Variants in STXBP5L observed in about 807,000 individuals in gnomAD.
STXBP5L encodes the protein syntaxin binding protein 5L, also known as syntaxin-binding protein 5-like.
In STXBP5L, 65 loss-of-function variants were observed where a neutral mutation model predicts 144.5. The observed-to-expected ratio is 0.45, with a 90% CI of 0.37 to 0.55. The LOEUF (loss-of-function observed/expected upper bound fraction) is 0.55, where lower values mean the gene tolerates loss of function less well. STXBP5L is among the 20% of genes least tolerant of loss of function. The probability of loss-of-function intolerance (pLI) is 0.00; values close to 1 mark genes in which losing one functional copy is unlikely to be tolerated. For synonymous variants in STXBP5L, 505 were observed against 469.6 expected (o/e 1.08, Z -0.97); for missense variants, 1,298 against 1,405.5 (o/e 0.92, Z 1.22).
At chr3:121,382,141 G>A (rs1560041470) in intron 22 of STXBP5L, among the ~76,000 whole-genome samples, 2 of 151,576 alleles carry the variant, frequency 1.3e-5, no homozygotes, top group Non-Finnish European at 2.9e-5. Flanking sequence ...GATTCCTCCT[G>A]TTATTCCTAA....
At chr3:121,358,168 T>C (rs1372456700) in intron 20 of STXBP5L, among the ~76,000 whole-genome samples, 2 of 152,150 alleles carry the variant, frequency 1.3e-5, no homozygotes, top group Non-Finnish European at 2.9e-5. Flanking sequence ...TATTATTGAC[T>C]GTAGTCACCC....
At chr3:120,993,021 T>C (rs549179934) in intron 3 of STXBP5L, among the ~76,000 whole-genome samples, 93 of 152,298 alleles carry the variant, frequency 6.1e-4, no homozygotes, top group African/African-American at 2.2e-3. Context: ...TATCTCATTG[T>C]GGTTTTGATT....
intron 20 of STXBP5L, among the ~76,000 whole-genome samples, chr3:121,347,449 T>G (rs1419354596): frequency 6.6e-6 from 1 of 152,218 alleles, no homozygotes; most frequent in Non-Finnish European, 1.5e-5. Context: ...GCCTCTTTTT[T>G]CATTCCATAT....
At chr3:121,304,650 T>C (rs1419636822) in intron 19 of STXBP5L, among the ~76,000 whole-genome samples, 2 of 152,122 alleles carry the variant, frequency 1.3e-5, no homozygotes, top group African/African-American at 2.4e-5. Context: ...AATTTTAAAA[T>C]ATTTTTGAAC....
intron 20 of STXBP5L, among the ~76,000 whole-genome samples, chr3:121,355,928 C>T (rs1006477444): frequency 1.3e-5 from 2 of 152,150 alleles, no homozygotes; most frequent in East Asian, 3.9e-4. Flanking sequence ...TGTTAGTTTT[C>T]CTTCTAACAG....
intron 5 of STXBP5L, among the ~76,000 whole-genome samples, chr3:121,076,488 T>TA (rs2042024090): frequency 6.6e-6 from 1 of 152,176 alleles, no homozygotes; most frequent in Non-Finnish European, 1.5e-5. Flanking sequence ...ATTAGAGTCT[T>TA]ACAGTAGGTC....
chr3:120,984,061 G>T (rs1204350426), intron 3 of STXBP5L, among the ~76,000 whole-genome samples: 1 of 152,038 alleles, frequency 6.6e-6, no homozygotes, highest in Non-Finnish European at 1.5e-5. Context: ...GTTCACCCCG[G>T]ATGATTCAGC....
intron 5 of STXBP5L, among the ~76,000 whole-genome samples, chr3:121,056,041 G>A (rs1948438517): frequency 6.6e-6 from 1 of 152,028 alleles, no homozygotes; most frequent in Non-Finnish European, 1.5e-5. Flanking sequence ...CTGGGCTCAA[G>A]CTATCCTCCT....
intron 9 of STXBP5L, among the ~76,000 whole-genome samples, chr3:121,194,881 T>C (rs551621203): frequency 7.3e-5 from 11 of 151,596 alleles, no homozygotes; most frequent in Admixed American, 1.3e-4. Context: ...ATCTTTTTAA[T>C]TCTCTGAGAT....
intron 3 of STXBP5L, among the ~76,000 whole-genome samples, chr3:120,967,433 T>G (rs1390875252): frequency 2.0e-5 from 3 of 152,134 alleles, no homozygotes; most frequent in Non-Finnish European, 4.4e-5. Context: ...CATCTTCAGT[T>G]GTGTGATTTT....
intron 9 of STXBP5L, among the ~76,000 whole-genome samples, chr3:121,179,663 C>T (rs369332246): frequency 2.0e-5 from 3 of 151,584 alleles, no homozygotes; most frequent in African/African-American, 7.3e-5. Context: ...AAGGTGAAAA[C>T]GAACTTAAAG....
At chr3:120,974,960 T>G (rs1940772165) in intron 3 of STXBP5L, among the ~76,000 whole-genome samples, 2 of 152,318 alleles carry the variant, frequency 1.3e-5, no homozygotes, top group Non-Finnish European at 2.9e-5. Flanking sequence ...GTAGTATAGT[T>G]TGAAGTCGGG....
At chr3:121,414,503 T>C (rs898836838) in intron 24 of STXBP5L, among the ~76,000 whole-genome samples, 6 of 152,214 alleles carry the variant, frequency 3.9e-5, no homozygotes, top group African/African-American at 1.4e-4. Context: ...TGGATATATA[T>C]TTATTTTGTG....
At chr3:121,178,050 AT>A (rs1577125673) in intron 9 of STXBP5L, among the ~76,000 whole-genome samples, 1 of 152,324 alleles carries the variant, frequency 6.6e-6, no homozygotes, top group Middle Eastern at 3.4e-3. Flanking sequence ...GTATGATTCC[AT>A]TTATATAAGG....
At chr3:121,241,527 T>C (rs1471158307) in intron 14 of STXBP5L, among the ~76,000 whole-genome samples, 4 of 152,092 alleles carry the variant, frequency 2.6e-5, no homozygotes, top group African/African-American at 4.8e-5. Context: ...TACCCCCAAC[T>C]TCCCCAGAGT....
chr3:120,979,847 G>A (rs1479359464), intron 3 of STXBP5L, among the ~76,000 whole-genome samples: 2 of 152,088 alleles, frequency 1.3e-5, no homozygotes, highest in Non-Finnish European at 2.9e-5. Flanking sequence ...ATCTTTTTAA[G>A]GTAGGCATTT....
intron 10 of STXBP5L, among the ~76,000 whole-genome samples, chr3:121,209,330 C>G (rs1202288431): frequency 6.6e-6 from 1 of 152,154 alleles, no homozygotes; most frequent in East Asian, 1.9e-4. Context: ...GGTTCTAGAT[C>G]CTTGAGGAAT....
At chr3:121,028,483 G>A (rs951745043) in intron 3 of STXBP5L, among the ~76,000 whole-genome samples, 38 of 152,022 alleles carry the variant, frequency 2.5e-4, no homozygotes, top group African/African-American at 8.9e-4. Flanking sequence ...GTGATTATAT[G>A]ATATTCAAAA....
intron 21 of STXBP5L, among the ~76,000 whole-genome samples, chr3:121,381,027 C>T (rs557596813): frequency 1.8e-4 from 27 of 152,170 alleles, no homozygotes; most frequent in African/African-American, 4.8e-4. Flanking sequence ...TGTGAGTTAA[C>T]GTAGAGAAAG....
Sources: allele counts gnomAD v4.1 joint callset (sites outside exome capture counted in the v4.1 genomes callset), GRCh38; gene constraint gnomAD v4.1.1; transcripts MANE v1.5; gene names NCBI Gene and HGNC (gene_info 2026-07-23, HGNC 2026-07-21).